LRP1B: variants seen among roughly 807,000 people sequenced by gnomAD.
LRP1B encodes the protein low-density lipoprotein receptor-related protein 1B.
In LRP1B, 217 loss-of-function variants were observed where a neutral mutation model predicts 556.6. That is an observed-to-expected ratio of 0.39 (90% CI 0.35 to 0.44). The LOEUF (loss-of-function observed/expected upper bound fraction) is 0.44, where lower values mean the gene tolerates loss of function less well. LRP1B is among the 20% of genes least tolerant of loss of function. The pLI is 1.00. For missense variants in LRP1B, 5,053 were observed against 5,620.8 expected (o/e 0.90, Z 3.23); for synonymous variants, 2,047 against 1,865.8 (o/e 1.10, Z -2.50).
At position 141,162,354 on chromosome 2, in the gene LRP1B, G is replaced by T. The variant is rs140363562; in HGVS notation, c.1013+26067C>A. ...GGGGTAACATTACCCTGGAAGGTAT[G>T]GGGACGAAAGGAGTATTCACGATCT... On this transcript the variant is annotated intron_variant, in intron 7 of 90. Transcript: ENST00000389484. Among the ~76,000 whole-genome samples the T allele has an allele frequency of 5.9e-3, 898 of 152,106 alleles. 6 individuals carry two copies. Among genetic ancestry groups the T allele is most frequent in the Non-Finnish European group, 0.01 (708 of 67,972 alleles).
At chr2:140,942,455 A>G (rs1191549378) in intron 20 of LRP1B, among the ~76,000 whole-genome samples, 2 of 152,112 alleles carry the variant, frequency 1.3e-5, no homozygotes, top group Admixed American at 6.6e-5. Flanking sequence ...TGCAAGATAC[A>G]TACAAGATGA....
At chr2:140,647,902 C>T (rs911987905) in intron 41 of LRP1B, among the ~76,000 whole-genome samples, 2 of 152,082 alleles carry the variant, frequency 1.3e-5, no homozygotes, top group African/African-American at 4.8e-5. Flanking sequence ...GGATCTAGAG[C>T]TAGAAATACC....
At chr2:142,092,480 G>A (rs1706208812) in intron 1 of LRP1B, among the ~76,000 whole-genome samples, 1 of 152,014 alleles carries the variant, frequency 6.6e-6, no homozygotes, top group African/African-American at 2.4e-5. Context: ...TAGCTCATAA[G>A]GAAATTGCTT....
intron 1 of LRP1B, among the ~76,000 whole-genome samples, chr2:142,082,215 T>C (rs529565964): frequency 1.3e-5 from 2 of 152,238 alleles, no homozygotes; most frequent in African/African-American, 4.8e-5. Flanking sequence ...CTCTACTACA[T>C]CAAGAATGCC....
intron 82 of LRP1B, among the ~76,000 whole-genome samples, chr2:140,321,339 G>GA (rs936077160): frequency 6.6e-6 from 1 of 151,018 alleles, no homozygotes; most frequent in Non-Finnish European, 1.5e-5. Context: ...CTGCATGAAT[G>GA]AAAAAAATCT....
intron 3 of LRP1B, among the ~76,000 whole-genome samples, chr2:141,347,822 C>T (rs1304831954): frequency 6.6e-6 from 1 of 151,906 alleles, no homozygotes; most frequent in East Asian, 1.9e-4. Context: ...GTCATTATAA[C>T]AAAGTATGTA....
At chr2:141,998,454 T>C (rs1702560152) in intron 1 of LRP1B, among the ~76,000 whole-genome samples, 1 of 152,210 alleles carries the variant, frequency 6.6e-6, no homozygotes, top group African/African-American at 2.4e-5. Context: ...TCATTATCAA[T>C]TTAAGTTCTC....
rs1393254943 is a variant in LRP1B, at chr2:140,244,475, T to C, written c.13324+2611A>G. ...ACTGATCATTCAATGCTCAATTTTATGTAAATTTTAAAATTTTATGTAAAT... is the reference window on the plus strand; with the variant it reads ...ACTGATCATTCAATGCTCAATTTTACGTAAATTTTAAAATTTTATGTAAAT... On this transcript the variant is annotated intron_variant, in intron 87 of 90. Coordinates refer to ENST00000389484, the MANE Select transcript of LRP1B (RefSeq NM_018557.3). Among the ~76,000 whole-genome samples, 3 of 151,342 alleles carry C rather than the reference T, an allele frequency of 2.0e-5. No individual in the cohort carries two copies. The East Asian group carries it at 5.8e-4, about 29-fold the overall frequency.
chr2:140,309,771 C>T (rs966461959), intron 83 of LRP1B, among the ~76,000 whole-genome samples: 7 of 151,652 alleles, frequency 4.6e-5, no homozygotes, highest in African/African-American at 1.7e-4. Flanking sequence ...AAAGAAAGAT[C>T]TATTTCTTTA....
chr2:140,450,745 A>C, intron 62 of LRP1B, 84 bp from the exon 63 acceptor site: 1 of 876,480 alleles, frequency 1.1e-6, no homozygotes, highest in Non-Finnish European at 1.8e-6. Flanking sequence ...AACACAGCCT[A>C]GTCTACTTTT....
intron 1 of LRP1B, among the ~76,000 whole-genome samples, chr2:142,085,333 T>C (rs16848084): frequency 0.019 from 2,931 of 152,296 alleles, 74 homozygotes; most frequent in East Asian, 0.063. Flanking sequence ...ATCTCTGTCA[T>C]GGCACCATGT....
intron 2 of LRP1B, among the ~76,000 whole-genome samples, chr2:141,640,580 C>T (rs1466820564): frequency 6.6e-6 from 1 of 152,040 alleles, no homozygotes; most frequent in Admixed American, 6.6e-5. Flanking sequence ...CAAGGGTGGG[C>T]GGATCACTTG....
intron 87 of LRP1B, among the ~76,000 whole-genome samples, 196 bp downstream of exon 87, chr2:140,246,890 A>G (rs1681188736): frequency 6.6e-6 from 1 of 151,578 alleles, no homozygotes; most frequent in Non-Finnish European, 1.5e-5. Flanking sequence ...CTCCCAGCCT[A>G]AAAGAAAATG....
At chr2:141,257,477 T>A (rs894148300) in intron 3 of LRP1B, among the ~76,000 whole-genome samples, 8 of 152,164 alleles carry the variant, frequency 5.3e-5, no homozygotes, top group Non-Finnish European at 1.0e-4. Context: ...CTACTTGACG[T>A]TTCTGGAAGA....
intron 2 of LRP1B, among the ~76,000 whole-genome samples, chr2:141,733,938 G>T (rs1437336): frequency 0.81 from 123,602 of 152,070 alleles, 51,444 homozygotes; most frequent in Non-Finnish European, 0.9. Flanking sequence ...ACTTATTACT[G>T]TATATACCTG....
chr2:140,583,171 CTTTT>C (rs1219194754), intron 43 of LRP1B, among the ~76,000 whole-genome samples: 1 of 48,024 alleles, frequency 2.1e-5, no homozygotes, highest in Non-Finnish European at 4.9e-5. Context: ...CCTTTTTTTT[CTTTT>C]TTTTTTTTTT....
In LRP1B at chr2:141,634,747, C is replaced by G. The variant is rs192353288; in HGVS notation, c.206-154214G>C. The stretch of plus-strand genomic sequence containing the variant: ...TGAAATTCTTAAACTGGTTATTTAC[C>G]TTTTTAGACTATTGACAGGATTTTA... On this transcript the variant is annotated intron_variant, in intron 2 of 90. Transcript: ENST00000389484. Among the ~76,000 whole-genome samples the G allele has an allele frequency of 2.2e-4, 33 of 151,756 alleles. 1 individual carries two copies. In the East Asian group the frequency reaches 6.2e-3, roughly 28 times the overall value.
chr2:141,779,438 G>A (rs1337420332), intron 2 of LRP1B, among the ~76,000 whole-genome samples: 2 of 41,244 alleles, frequency 4.8e-5, no homozygotes, highest in African/African-American at 1.8e-4. Flanking sequence ...TTTTTTTTTT[G>A]AGACAGGGTT....
chr2:141,555,084 C>T (rs1685912699), intron 2 of LRP1B, among the ~76,000 whole-genome samples: 1 of 151,976 alleles, frequency 6.6e-6, no homozygotes, highest in Admixed American at 6.6e-5. Flanking sequence ...AGCTGTGATG[C>T]ACTCTATGAA....
Sources: gnomAD v4.1 joint callset for allele counts (sites outside exome capture counted in the v4.1 genomes callset) on GRCh38, gnomAD v4.1.1 for gene constraint, MANE v1.5 for transcripts, NCBI Gene and HGNC (gene_info 2026-07-23, HGNC 2026-07-21) for gene names.